The following ZMYND8 variants were observed in gnomAD, a reference collection of about 807,000 sequenced individuals.
ZMYND8 encodes zinc finger MYND-type containing 8, also known as MYND-type zinc finger-containing chromatin reader ZMYND8.
A neutral mutation model predicts 140.8 loss-of-function variants in ZMYND8; 37 were observed. The observed-to-expected ratio is 0.26, with a 90% confidence interval of 0.20 to 0.35. The LOEUF is 0.35. ZMYND8 is among the 10% of genes least tolerant of loss of function. The pLI is 1.00. For synonymous variants in ZMYND8, 592 were observed against 597.1 expected, an observed-to-expected ratio of 0.99 and a Z score of 0.12; for missense variants, 1,068 against 1,570.0, an observed-to-expected ratio of 0.68 and a Z score of 5.40.
At chr20:47,231,510 A>G (rs763652689) in intron 16 of ZMYND8, among the ~76,000 whole-genome samples, 10 of 152,262 alleles carry the variant, frequency 6.6e-5, no homozygotes, top group Non-Finnish European at 1.2e-4. Context: ...GTAGGTGTTC[A>G]TAAAGAAATA....
intron 11 of ZMYND8, among the ~76,000 whole-genome samples, chr20:47,267,216 TG>T (rs764940964): frequency 3.0e-4 from 43 of 143,580 alleles, no homozygotes; most frequent in Non-Finnish European, 5.7e-4. Flanking sequence ...GAACACAAAT[TG>T]GTGGTTGTTA....
chr20:47,211,735 GAATT>G (rs1389127199), intron 22 of ZMYND8, among the ~76,000 whole-genome samples: 2 of 152,184 alleles, frequency 1.3e-5, no homozygotes, highest in Non-Finnish European at 2.9e-5. Flanking sequence ...GACTGGGACA[GAATT>G]ATTTTTTAAT....
At chr20:47,333,693 T>G (rs545000077) in intron 2 of ZMYND8, among the ~76,000 whole-genome samples, 122 of 117,660 alleles carry the variant, frequency 1.0e-3, no homozygotes, top group African/African-American at 3.7e-3. Flanking sequence ...GCCACTGCAC[T>G]CTAGCCTGGT....
intron 10 of ZMYND8, among the ~76,000 whole-genome samples, chr20:47,277,750 AACCTCC>A (rs2076346279): frequency 6.6e-6 from 1 of 151,914 alleles, no homozygotes; most frequent in Non-Finnish European, 1.5e-5. Context: ...AGCTCACTGC[AACCTCC>A]GTCTCCTGGG....
chr20:47,284,165 C>T (rs1201457108), intron 8 of ZMYND8, among the ~76,000 whole-genome samples: 2 of 152,132 alleles, frequency 1.3e-5, no homozygotes, highest in African/African-American at 4.8e-5. Flanking sequence ...TCAAGCGATC[C>T]ACCCGTCTCA....
At chr20:47,317,177 C>A (rs2079471699) in intron 2 of ZMYND8, among the ~76,000 whole-genome samples, 1 of 152,228 alleles carries the variant, frequency 6.6e-6, no homozygotes, top group Admixed American at 6.5e-5. Context: ...GAAGGTCCAA[C>A]AAACAGTTTC....
At chr20:47,274,478 T>C (rs951754785) in intron 11 of ZMYND8, among the ~76,000 whole-genome samples, 1 of 152,226 alleles carries the variant, frequency 6.6e-6, no homozygotes, top group Non-Finnish European at 1.5e-5. Flanking sequence ...ATGCTCTTTA[T>C]GGGAATTAAT....
intron 3 of ZMYND8, among the ~76,000 whole-genome samples, chr20:47,300,280 T>C (rs975352041): frequency 2.6e-5 from 4 of 152,236 alleles, no homozygotes; most frequent in African/African-American, 7.2e-5. Flanking sequence ...TCAACCCACT[T>C]TGAGCCTCAA....
chr20:47,327,372 G>C (rs112479010), intron 2 of ZMYND8, among the ~76,000 whole-genome samples: 146 of 151,886 alleles, frequency 9.6e-4, no homozygotes, highest in African/African-American at 3.0e-3. Flanking sequence ...AGAAAAAATA[G>C]GCCAGGTGCG....
intron 2 of ZMYND8, among the ~76,000 whole-genome samples, chr20:47,336,846 G>C (rs2081422024): frequency 6.6e-6 from 1 of 152,126 alleles, no homozygotes; most frequent in African/African-American, 2.4e-5. Flanking sequence ...CAATCAGATG[G>C]AGGCACCCTC....
intron 16 of ZMYND8, 58 bp from the exon 17 acceptor site, chr20:47,229,864 G>A (rs1468319322): frequency 6.9e-7 from 1 of 1,454,634 alleles, no homozygotes; most frequent in Non-Finnish European, 9.5e-7. Context: ...TTTTCCTGGT[G>A]ACAAATACTT....
At chr20:47,265,776 G>A (rs529530699) in intron 11 of ZMYND8, among the ~76,000 whole-genome samples, 1 of 152,218 alleles carries the variant, frequency 6.6e-6, no homozygotes, top group East Asian at 1.9e-4. Flanking sequence ...ATTCATGTGT[G>A]CTAAAAAATT....
chr20:47,345,675 T>C (rs1202929926), intron 2 of ZMYND8, among the ~76,000 whole-genome samples: 1 of 151,968 alleles, frequency 6.6e-6, no homozygotes, highest in Non-Finnish European at 1.5e-5. Flanking sequence ...GCCCAGATAA[T>C]TTTTTTGTAT....
chr20:47,347,026 C>T (rs2082393512), intron 2 of ZMYND8, among the ~76,000 whole-genome samples: 1 of 152,202 alleles, frequency 6.6e-6, no homozygotes, highest in Admixed American at 6.5e-5. Flanking sequence ...GTAACCCTGT[C>T]CAGCCTCTTC....
intron 2 of ZMYND8, among the ~76,000 whole-genome samples, chr20:47,336,871 C>T (rs539145454): frequency 2.1e-4 from 32 of 152,304 alleles, no homozygotes; most frequent in African/African-American, 7.7e-4. Context: ...CTTTGGCACA[C>T]TCTCCCATTC....
At chr20:47,213,606 G>C (rs766988339) in intron 21 of ZMYND8, among the ~76,000 whole-genome samples, 1 of 152,204 alleles carries the variant, frequency 6.6e-6, no homozygotes, top group Non-Finnish European at 1.5e-5. Flanking sequence ...CAGGTGGGAA[G>C]CCTGGCTATG....
rs770941573 is a variant in ZMYND8, at chr20:47,319,135, G to A, written c.86-8931C>T. ...TACCAGGCCAGCCCCGGTCTTGTAC[G>A]CATTAGGTCGCCCGGCGGGGCAAGG... On this transcript the variant is annotated intron_variant, in intron 2 of 22. Transcript: ENST00000471951. The A allele has an allele frequency of 2.2e-5, 21 of 946,112 alleles. No homozygotes were observed. In the South Asian group the frequency reaches 2.6e-4, roughly 12 times the overall value. The allele number at this position is 946,112 out of a possible 1,614,324, so 58.6% of individuals were successfully genotyped here.
intron 2 of ZMYND8, among the ~76,000 whole-genome samples, chr20:47,334,098 T>A (rs2148475790): frequency 6.6e-6 from 1 of 152,282 alleles, no homozygotes; most frequent in Non-Finnish European, 1.5e-5. Flanking sequence ...TGTATAATAG[T>A]GTTGACTCTC....
intron 10 of ZMYND8, among the ~76,000 whole-genome samples, chr20:47,278,120 C>T (rs552440546): frequency 8.5e-5 from 13 of 152,226 alleles, no homozygotes; most frequent in African/African-American, 1.2e-4. Context: ...TACAGGCACG[C>T]GCCACAACAC....
Sources: gnomAD v4.1 joint callset for allele counts (sites outside exome capture counted in the v4.1 genomes callset) on GRCh38, gnomAD v4.1.1 for gene constraint, MANE v1.5 for transcripts, NCBI Gene and HGNC (gene_info 2026-07-23, HGNC 2026-07-21) for gene names.